The following ESR1 variants were observed in gnomAD, a reference collection of about 807,000 sequenced individuals.
The protein encoded by ESR1 is estrogen receptor 1.
Under a neutral mutation model 52.7 loss-of-function variants are expected in ESR1, and 12 were observed. The observed-to-expected ratio is 0.23, with a 90% CI of 0.15 to 0.37. The LOEUF is 0.37. ESR1 is among the 10% of genes least tolerant of loss of function. The pLI, the probability that ESR1 is intolerant of heterozygous loss-of-function variation, is 1.00. For missense variants in ESR1, 584 were observed against 779.7 expected (o/e 0.75, Z 2.99); for synonymous variants, 305 against 316.8 (o/e 0.96, Z 0.39).
chr6:151,784,219 A>G (rs1786808773), intron 2 of ESR1, among the ~76,000 whole-genome samples: 1 of 152,136 alleles, frequency 6.6e-6, no homozygotes. Context: ...AGAGTTGTGT[A>G]TGTACACAAA....
chr6:152,127,046 G>A (rs2053705346), exon 7 of ESR1: 1 of 152,092 alleles, frequency 6.6e-6, no homozygotes, highest in Admixed American at 6.5e-5. Flanking sequence ...AGTGTTTCCT[G>A]GATATATGGT....
intron 4 of ESR1, among the ~76,000 whole-genome samples, chr6:151,974,901 T>C (rs185031976): frequency 1.3e-5 from 2 of 152,220 alleles, no homozygotes. Context: ...GTGTTTGATC[T>C]GTTGTTCCTG....
rs542308834 is a variant in ESR1 at position 152,095,563 on chromosome 6, G to A, written c.1553+995G>A. ...AGAAAGTGATCCTGTTTGGGCAAGT[G>A]CATTTTACTCTTTTCTTTCACTCAT... On this transcript the variant is annotated intron_variant, in intron 7 of 7. Coordinates refer to ENST00000206249, the MANE Select transcript of ESR1 (RefSeq NM_000125.4). Among the ~76,000 whole-genome samples, 6 of 152,342 alleles carry A rather than the reference G, an allele frequency of 3.9e-5. No individual in the cohort carries two copies. In the South Asian group the frequency reaches 1.2e-3, roughly 32 times the overall value.
intron 2 of ESR1, among the ~76,000 whole-genome samples, chr6:151,846,361 AC>A (rs1785118331): frequency 6.6e-6 from 1 of 152,250 alleles, no homozygotes; most frequent in Non-Finnish European, 1.5e-5. Context: ...AAAGGGAAAT[AC>A]CACAACAAGT....
At chr6:152,104,523 G>A (rs1004166471), downstream of ESR1, among the ~76,000 whole-genome samples, 9 of 152,072 alleles carry the variant, frequency 5.9e-5, no homozygotes, top group African/African-American at 1.9e-4. Context: ...CATTTTTCAC[G>A]TTATTATCGT....
chr6:151,986,327 G>A lies in ESR1; in HGVS notation c.1097-25329G>A, dbSNP rs987994300. On this transcript the variant is annotated intron_variant, in intron 4 of 7. Transcript: ENST00000206249. ...GTGATGAGCAAAATGTTAGATAAAG[G>A]CATTGTTGCTTTTCTTTTTCTGTGT... Among the ~76,000 whole-genome samples, 8 of 152,088 alleles carry A rather than the reference G, an allele frequency of 5.3e-5. No individual in the cohort carries two copies. The South Asian group carries it at 1.7e-3, about 32-fold the overall frequency.
chr6:151,873,611 C>T (rs1337868771), intron 2 of ESR1, among the ~76,000 whole-genome samples: 1 of 152,174 alleles, frequency 6.6e-6, no homozygotes, highest in African/African-American at 2.4e-5. Flanking sequence ...CCAAATGTTA[C>T]AGCTCAAAAC....
chr6:151,928,381 G>A (rs1184818889), intron 3 of ESR1, among the ~76,000 whole-genome samples: 2 of 152,144 alleles, frequency 1.3e-5, no homozygotes, highest in African/African-American at 4.8e-5. Context: ...TGATCACATA[G>A]CTGACTGAGA....
chr6:151,898,999 C>G (rs1796027857), intron 3 of ESR1, among the ~76,000 whole-genome samples: 1 of 151,636 alleles, frequency 6.6e-6, no homozygotes, highest in Non-Finnish European at 1.5e-5. Flanking sequence ...CCCCTCACCT[C>G]CCGGACGGGG....
intron 3 of ESR1, among the ~76,000 whole-genome samples, chr6:151,907,580 C>G (rs1339444328): frequency 1.3e-5 from 2 of 151,964 alleles, no homozygotes; most frequent in Non-Finnish European, 2.9e-5. Context: ...TGTTGGGGAT[C>G]CTTCAAGTCA....
chr6:151,766,525 C>T (rs1477590630), intron 2 of ESR1, among the ~76,000 whole-genome samples: 1 of 151,944 alleles, frequency 6.6e-6, no homozygotes, highest in Non-Finnish European at 1.5e-5. Context: ...AAATAAAAAT[C>T]ACACGCCTCT....
Position 152,101,600 on chromosome 6 carries a change from C to T in ESR1, c.*2634C>T, listed in dbSNP as rs35907842. ...TTTTACTTGAAGTGCCACTAATGGA[C>T]AGCAGATATTTTCTGGCTGATGTTG... On this transcript the variant is annotated 3_prime_UTR_variant, in exon 8 of 8. Coordinates refer to ENST00000206249, the MANE Select transcript of ESR1 (RefSeq NM_000125.4). The T allele has an allele frequency of 1.3e-3, 307 of 230,678 alleles. 1 individual carries two copies. Among genetic ancestry groups the T allele is most frequent in the Admixed American group, 2.5e-3 (44 of 17,694 alleles). 14.3% of individuals were successfully genotyped at this position (230,678 alleles called of 1,614,324 possible).
intron 4 of ESR1, among the ~76,000 whole-genome samples, chr6:151,974,320 A>G (rs964251286): frequency 6.6e-6 from 1 of 150,916 alleles, no homozygotes; most frequent in African/African-American, 2.4e-5. Context: ...CATGTTTTCT[A>G]TGATTTATAA....
At chr6:152,104,201 G>A (rs973116988), downstream of ESR1, among the ~76,000 whole-genome samples, 1 of 152,052 alleles carries the variant, frequency 6.6e-6, no homozygotes, top group Non-Finnish European at 1.5e-5. Context: ...TTCTTTATTA[G>A]GATGGGTTGA....
At chr6:151,669,140 G>A (rs953379138) in intron 1 of ESR1, among the ~76,000 whole-genome samples, 2 of 139,420 alleles carry the variant, frequency 1.4e-5, no homozygotes, top group African/African-American at 5.3e-5. Context: ...AAGCTCTTTG[G>A]GAGCTGGGAG....
intron 2 of ESR1, among the ~76,000 whole-genome samples, chr6:151,768,957 A>G (rs1307212101): frequency 6.6e-6 from 1 of 152,220 alleles, no homozygotes; most frequent in Non-Finnish European, 1.5e-5. Flanking sequence ...TCAGAATATA[A>G]CTTCCTGGGC....
intron 4 of ESR1, among the ~76,000 whole-genome samples, chr6:151,991,535 G>C (rs1267404943): frequency 1.3e-5 from 2 of 152,016 alleles, no homozygotes; most frequent in African/African-American, 4.8e-5. Flanking sequence ...ACAAAACGAT[G>C]GCAGAGAAAT....
intron 5 of ESR1, among the ~76,000 whole-genome samples, chr6:152,057,235 C>T (rs907864706): frequency 2.0e-5 from 3 of 152,118 alleles, no homozygotes; most frequent in Admixed American, 6.6e-5. Context: ...CACTAGCTCA[C>T]GTGGCAAGCC....
intron 4 of ESR1, among the ~76,000 whole-genome samples, chr6:151,979,830 C>T (rs2039821652): frequency 1.3e-5 from 2 of 151,994 alleles, no homozygotes; most frequent in African/African-American, 2.4e-5. Flanking sequence ...TACCAAATTG[C>T]ACACAGATTA....
Sources: gnomAD v4.1 joint callset for allele counts (sites outside exome capture counted in the v4.1 genomes callset) on GRCh38, gnomAD v4.1.1 for gene constraint, MANE v1.5 for transcripts, NCBI Gene and HGNC (gene_info 2026-07-23, HGNC 2026-07-21) for gene names.